FBXO34: variants seen among roughly 807,000 people sequenced by gnomAD.
FBXO34 encodes the protein F-box only protein 34.
Under a neutral mutation model 24.5 loss-of-function variants are expected in FBXO34, and 12 were observed. The ratio of observed to expected loss-of-function variants is 0.49; its 90% CI spans 0.31 to 0.79. FBXO34 has a LOEUF of 0.79. Among genes scored for constraint, FBXO34 ranks in the 30% least tolerant of loss-of-function variants. The probability of loss-of-function intolerance (pLI) is 0.04; values close to 1 mark genes in which losing one functional copy is unlikely to be tolerated. For missense variants in FBXO34, 823 were observed against 857.7 expected (o/e 0.96, Z 0.51); for synonymous variants, 320 against 311.9 (o/e 1.03, Z -0.27).
chr14:55,346,038 T>C lies in FBXO34; in HGVS notation c.-10-4343T>C, dbSNP rs77907782. Among the ~76,000 whole-genome samples the C allele has an allele frequency of 2.1e-3, 326 of 151,874 alleles. 2 individuals carry two copies. The highest frequency in any genetic ancestry group is 7.2e-3 in the African/African-American group (296 of 41,388). On this transcript the variant is annotated intron_variant, in intron 1 of 1. Coordinates refer to ENST00000313833, the MANE Select transcript of FBXO34 (RefSeq NM_017943.4). ...CGAAATTAAATAAATAAAAAATGAG[T>C]AGAAGGAAATGAACATTTGTAGGTT...
At chr14:55,349,378 C>A (rs1488765092) in intron 1 of FBXO34, among the ~76,000 whole-genome samples, 2 of 152,010 alleles carry the variant, frequency 1.3e-5, no homozygotes, top group Non-Finnish European at 2.9e-5. Context: ...CAAAACAAGG[C>A]ACCATCTTTC....
chr14:55,346,156 C>T (rs564160280), intron 1 of FBXO34, among the ~76,000 whole-genome samples: 1 of 152,272 alleles, frequency 6.6e-6, no homozygotes, highest in Admixed American at 6.5e-5. Context: ...GCTTTCACTA[C>T]CTAGTCTAGT....
the FBXO34 span, among the ~76,000 whole-genome samples, chr14:55,439,623 C>CT: frequency 7.3e-6 from 1 of 136,856 alleles, no homozygotes; most frequent in African/African-American, 2.7e-5. Context: ...AACCCCCCCC[C>CT]GTCTCTACTA....
chr14:55,415,112 A>G, the FBXO34 span, among the ~76,000 whole-genome samples: 2 of 152,216 alleles, frequency 1.3e-5, no homozygotes, highest in Admixed American at 1.3e-4. Context: ...ACCAAACACC[A>G]CCATTACCTC....
At chr14:55,437,534 A>C in the FBXO34 span, among the ~76,000 whole-genome samples, 3 of 152,240 alleles carry the variant, frequency 2.0e-5, no homozygotes, top group Non-Finnish European at 4.4e-5. Context: ...AGAATATTTT[A>C]AAATGCAGAA....
chr14:55,323,218 A>AATATATAT (rs1555337921), intron 1 of FBXO34, among the ~76,000 whole-genome samples: 19 of 31,624 alleles, frequency 6.0e-4, no homozygotes, highest in South Asian at 2.9e-3. Context: ...AAAAAAAAAA[A>AATATATAT]ATATATATTT....
At chr14:55,297,291 C>T (rs1882171275) in intron 1 of FBXO34, among the ~76,000 whole-genome samples, 1 of 152,284 alleles carries the variant, frequency 6.6e-6, no homozygotes, top group Admixed American at 6.5e-5. Flanking sequence ...TTTTTAACTC[C>T]TATGTCAGTA....
chr14:55,348,903 G>A (rs1289564968), intron 1 of FBXO34, among the ~76,000 whole-genome samples: 1 of 152,144 alleles, frequency 6.6e-6, no homozygotes. Flanking sequence ...CAGGTACCCA[G>A]TAAATGTGGA....
At chr14:55,440,218 G>C in the FBXO34 span, among the ~76,000 whole-genome samples, 1 of 152,194 alleles carries the variant, frequency 6.6e-6, no homozygotes, top group Admixed American at 6.5e-5. Flanking sequence ...GCTCTGTTTG[G>C]CAACCTTGGT....
intron 1 of FBXO34, among the ~76,000 whole-genome samples, chr14:55,294,050 A>T (rs756841123): frequency 6.6e-6 from 1 of 151,946 alleles, no homozygotes; most frequent in Non-Finnish European, 1.5e-5. Context: ...CCTCCTTAAA[A>T]TGTTTTCTCA....
intron 1 of FBXO34, among the ~76,000 whole-genome samples, chr14:55,328,439 A>T (rs769018980): frequency 2.6e-5 from 4 of 152,192 alleles, no homozygotes; most frequent in African/African-American, 4.8e-5. Context: ...ATCCCTAGAG[A>T]TAGCTACTGA....
intron 1 of FBXO34, among the ~76,000 whole-genome samples, chr14:55,316,038 T>C (rs894781951): frequency 6.6e-6 from 1 of 152,214 alleles, no homozygotes; most frequent in African/African-American, 2.4e-5. Context: ...TCTTTGTATT[T>C]TTTTGAGCTT....
the FBXO34 span, among the ~76,000 whole-genome samples, chr14:55,410,965 A>C: frequency 3.3e-5 from 5 of 152,224 alleles, no homozygotes; most frequent in Admixed American, 6.5e-5. Context: ...CCTAAAGGCA[A>C]TTCTCTTAAC....
At chr14:55,370,383 C>T (rs962889520), downstream of FBXO34, among the ~76,000 whole-genome samples, 1 of 147,278 alleles carries the variant, frequency 6.8e-6, no homozygotes, top group Non-Finnish European at 1.5e-5. Context: ...CAGTGGGTTC[C>T]TGTACATATT....
At chr14:55,397,472 A>G in the FBXO34 span, 5 of 1,515,958 alleles carry the variant, frequency 3.3e-6, no homozygotes, top group African/African-American at 1.4e-5. Flanking sequence ...TTAAATGGTC[A>G]TTTTTTCAGT....
At chr14:55,299,274 C>T (rs1391087864) in intron 1 of FBXO34, 11 of 752,420 alleles carry the variant, frequency 1.5e-5, no homozygotes, top group Non-Finnish European at 2.7e-5. Flanking sequence ...GGGTCCAGCG[C>T]GGGCAGGATG....
chr14:55,366,154 AAC>A (rs1378655391), downstream of FBXO34, among the ~76,000 whole-genome samples: 1 of 152,164 alleles, frequency 6.6e-6, no homozygotes, highest in African/African-American at 2.4e-5. Context: ...ACCAAAGAAA[AAC>A]ACGTCTTTAG....
chr14:55,326,859 A>G (rs551482734), intron 1 of FBXO34, among the ~76,000 whole-genome samples: 27 of 152,326 alleles, frequency 1.8e-4, no homozygotes, highest in African/African-American at 6.3e-4. Context: ...CAGTTGGTAT[A>G]ATTTTACTTC....
chr14:55,281,079 G>C (rs760430474), intron 1 of FBXO34, among the ~76,000 whole-genome samples: 38 of 151,854 alleles, frequency 2.5e-4, no homozygotes, highest in Non-Finnish European at 5.1e-4. Context: ...TTACAGTCTG[G>C]TGTGCATTTT....
Sources: allele counts gnomAD v4.1 joint callset (sites outside exome capture counted in the v4.1 genomes callset), GRCh38; gene constraint gnomAD v4.1.1; transcripts MANE v1.5; gene names NCBI Gene and HGNC (gene_info 2026-07-23, HGNC 2026-07-21).